AIG1: variants seen among roughly 807,000 people sequenced by gnomAD.
AIG1 encodes androgen induced 1.
AIG1 carries 23 observed loss-of-function variants against 31.4 expected under a neutral mutation model. The observed-to-expected ratio is 0.73, with a 90% CI of 0.53 to 1.04. The LOEUF (loss-of-function observed/expected upper bound fraction) is 1.04, where lower values mean the gene tolerates loss of function less well. Ranked by LOEUF, AIG1 falls within the 50% of genes least tolerant of loss-of-function variation. The pLI, the probability that AIG1 is intolerant of heterozygous loss-of-function variation, is 0.00. For missense variants in AIG1, 274 were observed against 295.0 expected, an observed-to-expected ratio of 0.93 and a Z score of 0.52; for synonymous variants, 100 against 110.5, an observed-to-expected ratio of 0.90 and a Z score of 0.60.
intron 3 of AIG1, among the ~76,000 whole-genome samples, chr6:143,211,981 C>T (rs1330557628): frequency 6.6e-6 from 1 of 152,024 alleles, no homozygotes; most frequent in Non-Finnish European, 1.5e-5. Context: ...CTTTGTGTAA[C>T]CCAGGGTTTC....
At chr6:143,312,959 C>T (rs1004384737) in intron 4 of AIG1, among the ~76,000 whole-genome samples, 4 of 152,072 alleles carry the variant, frequency 2.6e-5, no homozygotes, top group Non-Finnish European at 4.4e-5. Flanking sequence ...AAAAGGTGCT[C>T]AACATCACTG....
chr6:143,062,079 A>G (rs1278166987), intron 1 of AIG1, among the ~76,000 whole-genome samples: 1 of 152,240 alleles, frequency 6.6e-6, no homozygotes, highest in Non-Finnish European at 1.5e-5. Context: ...CAGCAAGATT[A>G]TAATCTCTTG....
intron 1 of AIG1, among the ~76,000 whole-genome samples, chr6:143,077,501 T>G (rs904222380): frequency 1.3e-5 from 2 of 152,236 alleles, no homozygotes; most frequent in African/African-American, 4.8e-5. Context: ...TTTCATCACT[T>G]AAAAGATGTG....
Position 143,280,197 on chromosome 6 carries a change from A to C in AIG1, c.400-3913A>C, listed in dbSNP as rs890083685. 6.6e-6 allele frequency among the ~76,000 whole-genome samples: 1 copy of C among 152,222 alleles called. No homozygotes were observed. The highest frequency in any genetic ancestry group is 2.4e-5 in the African/African-American group (1 of 41,450). Reference sequence around the variant, plus strand: ...AGCCATCTGTAACTGTCATCATACCACTAGAAAGCTCTGACTTTCAAAAAG... The same window carrying C: ...AGCCATCTGTAACTGTCATCATACCCCTAGAAAGCTCTGACTTTCAAAAAG... On this transcript the variant is annotated intron_variant, in intron 3 of 5. Coordinates refer to ENST00000357847, the MANE Select transcript of AIG1 (RefSeq NM_016108.4). The surrounding 1 kb of genome is among the most constrained non-coding windows in gnomAD (Gnocchi z 4.1).
intron 2 of AIG1, among the ~76,000 whole-genome samples, chr6:143,161,881 A>G (rs1786415159): frequency 6.6e-6 from 1 of 152,190 alleles, no homozygotes; most frequent in African/African-American, 2.4e-5. Context: ...TCCCTAAGAT[A>G]GAGATGAAGG....
intron 1 of AIG1, among the ~76,000 whole-genome samples, chr6:143,129,263 C>T (rs1393822463): frequency 1.3e-5 from 2 of 152,002 alleles, no homozygotes; most frequent in Non-Finnish European, 2.9e-5. Flanking sequence ...TGCACTCCAG[C>T]CTGGGCAACA....
chr6:143,239,665 A>G (rs1239058470), intron 3 of AIG1, among the ~76,000 whole-genome samples: 4 of 152,158 alleles, frequency 2.6e-5, no homozygotes, highest in African/African-American at 7.2e-5. Context: ...ACATTAAGAC[A>G]TGTGTTATTG....
intron 3 of AIG1, among the ~76,000 whole-genome samples, chr6:143,225,357 C>T (rs1273799663): frequency 6.6e-6 from 1 of 151,970 alleles, no homozygotes; most frequent in Non-Finnish European, 1.5e-5. Flanking sequence ...AGCCTCTTTG[C>T]CTCAGATAAT....
intron 3 of AIG1, among the ~76,000 whole-genome samples, chr6:143,254,526 CTTCT>C (rs1339907623): frequency 6.6e-6 from 1 of 152,082 alleles, no homozygotes; most frequent in African/African-American, 2.4e-5. Flanking sequence ...ACTTCTTTTT[CTTCT>C]TTTCCATCTT....
chr6:143,264,255 A>G (rs998857914), intron 3 of AIG1, among the ~76,000 whole-genome samples: 2 of 152,084 alleles, frequency 1.3e-5, no homozygotes, highest in African/African-American at 4.8e-5. Context: ...GCGGATTTCC[A>G]GTGCTTATCC....
rs148424438 is a variant in AIG1, at chr6:143,083,565, C to T, written c.141+22499C>T. ...GCTGGGTATAGAGGGACAATGGCCT[C>T]ATTGATAATCCTGAGATCTTGCACT... is the stretch of plus-strand genomic sequence containing the variant. On this transcript the variant is annotated intron_variant, in intron 1 of 5. Coordinates refer to ENST00000357847, the MANE Select transcript of AIG1 (RefSeq NM_016108.4). Among the ~76,000 whole-genome samples, 68 of 152,264 alleles carry T rather than the reference C, an allele frequency of 4.5e-4. 1 individual carries two copies. The highest frequency in any genetic ancestry group is 1.4e-3 in the African/African-American group (60 of 41,540).
At chr6:143,166,219 T>C (rs926267240) in intron 3 of AIG1, among the ~76,000 whole-genome samples, 2 of 152,166 alleles carry the variant, frequency 1.3e-5, no homozygotes, top group South Asian at 2.1e-4. Context: ...GATTTTTTTT[T>C]AGTTCAATTA....
chr6:143,146,443 G>A (rs954316625), intron 2 of AIG1, among the ~76,000 whole-genome samples: 2 of 151,882 alleles, frequency 1.3e-5, no homozygotes, highest in East Asian at 1.9e-4. Context: ...AAGAAAAAAA[G>A]GATTCACACT....
chr6:143,167,073 C>T (rs1787035327), intron 3 of AIG1, among the ~76,000 whole-genome samples: 1 of 152,148 alleles, frequency 6.6e-6, no homozygotes, highest in Admixed American at 6.6e-5. Context: ...CGTATTTCAG[C>T]TGTCTAAGAT....
chr6:143,343,474 C>T (rs753960216), downstream of AIG1: 2 of 278,524 alleles, frequency 7.2e-6, no homozygotes, highest in Non-Finnish European at 7.2e-6. Context: ...GCTACGTTCC[C>T]GCCTGGAAGA....
chr6:143,114,393 T>G (rs1297233833), intron 1 of AIG1, among the ~76,000 whole-genome samples: 1 of 152,210 alleles, frequency 6.6e-6, no homozygotes, highest in Non-Finnish European at 1.5e-5. Flanking sequence ...TAGCTTGCTG[T>G]TTTAGTTACA....
At chr6:143,095,901 CT>C (rs372161832) in intron 1 of AIG1, among the ~76,000 whole-genome samples, 1,490 of 103,746 alleles carry the variant, frequency 0.014, 2 homozygotes, top group East Asian at 0.034. Context: ...GCTACTTTAT[CT>C]TTTTTTTTTT....
At chr6:143,213,946 T>C (rs1402117884) in intron 3 of AIG1, among the ~76,000 whole-genome samples, 2 of 152,186 alleles carry the variant, frequency 1.3e-5, no homozygotes, top group East Asian at 3.9e-4. Context: ...ATATAAATAA[T>C]GCAAGATGGA....
intron 3 of AIG1, among the ~76,000 whole-genome samples, chr6:143,190,802 G>T (rs144745124): frequency 5.7e-4 from 87 of 152,218 alleles, no homozygotes; most frequent in African/African-American, 2.0e-3. Flanking sequence ...AAAGCGATAT[G>T]ATCCCCATTG....
Sources: allele counts gnomAD v4.1 joint callset (sites outside exome capture counted in the v4.1 genomes callset), GRCh38; gene constraint gnomAD v4.1.1; non-coding constraint Gnocchi (gnomAD v3.1); transcripts MANE v1.5; gene names NCBI Gene and HGNC (gene_info 2026-07-23, HGNC 2026-07-21).